Variants in NRSN1 observed in about 807,000 individuals in gnomAD.
NRSN1 encodes neurensin-1.
A neutral mutation model predicts 17.3 loss-of-function variants in NRSN1; 14 were observed. The ratio of observed to expected loss-of-function variants is 0.81; its 90% CI spans 0.54 to 1.27. The LOEUF (loss-of-function observed/expected upper bound fraction) is 1.27. Among genes scored for constraint, NRSN1 ranks in the 50% most tolerant of loss-of-function variants. The pLI, the probability that NRSN1 is intolerant of heterozygous loss-of-function variation, is 0.00. For synonymous variants in NRSN1, 79 were observed against 94.2 expected, an observed-to-expected ratio of 0.84 and a Z score of 0.93; for missense variants, 209 against 235.9, an observed-to-expected ratio of 0.89 and a Z score of 0.75.
intron 3 of NRSN1, among the ~76,000 whole-genome samples, chr6:24,139,644 C>T (rs1760171014): frequency 6.6e-6 from 1 of 152,184 alleles, no homozygotes; most frequent in African/African-American, 2.4e-5. Context: ...GAGCTCAAAA[C>T]AGAGATCCAG....
rs1223900525 is a variant in NRSN1, at chr6:24,145,648, A to G, written c.290A>G (p.Asp97Gly). Residue 97 changes from aspartate (D) to glycine (G), a missense_variant, in exon 4 of 4, where the codon GAT becomes GGT. By Grantham distance (94) the Asp-to-Gly change is moderately conservative. Coordinates refer to ENST00000378491, the MANE Select transcript of NRSN1 (RefSeq NM_080723.5). This position sits in a 1 kb window ranked among gnomAD's most constrained non-coding sequence, Gnocchi z 4.4. ...AAAATCGAAGCATTTGGCGAAGCCG[A>G]TTTTGTGGTGGTCGACACACATGCT... ...PPKIEAFGEA[D>G]FVVVDTHAVQ... 6.2e-7 allele frequency: 1 copy of G among 1,614,084 alleles called. No homozygotes were observed. The highest frequency in any genetic ancestry group is 1.1e-5 in the South Asian group (1 of 91,076).
chr6:24,129,526 A>G (rs1759997118), intron 2 of NRSN1: 1 of 152,248 alleles, frequency 6.6e-6, no homozygotes, highest in South Asian at 2.1e-4. Context: ...TAAACCACAC[A>G]TAGAATATCA....
chr6:24,134,371 C>A lies in NRSN1; in HGVS notation c.44C>A (p.Ala15Asp). The stretch of plus-strand genomic sequence containing the variant: ...GTCTGTGGGTCCAGGCAGGCACAGG[C>A]TGCAGCTGAGGGTGGTTACCAGCGC... Reference protein sequence around the residue: ...SNVCGSRQAQAAAEGGYQRYG... With the variant: ...SNVCGSRQAQDAAEGGYQRYG... The change falls in exon 3 of 4, where the codon GCT (alanine) becomes GAT (aspartate). Residue 15 changes from alanine to aspartate, a missense_variant. Physicochemically the swap from Ala to Asp is moderately radical, Grantham distance 126 (BLOSUM62 -2). Coordinates refer to ENST00000378491, the MANE Select transcript of NRSN1 (RefSeq NM_080723.5). 6.2e-7 allele frequency: 1 copy of A among 1,614,140 alleles called. No individual in the cohort carries two copies. Among genetic ancestry groups the A allele is most frequent in the Non-Finnish European group, 8.5e-7 (1 of 1,180,028 alleles).
rs201805273 is a variant in NRSN1, at chr6:24,145,568, A to C, written c.210A>C (p.Thr70=). The change falls in exon 4 of 4, where the codon ACA becomes ACC. Residue 70 remains threonine (T), a synonymous_variant. Transcript: ENST00000378491. This position sits in a 1 kb window ranked among gnomAD's most constrained non-coding sequence, Gnocchi z 4.4. ...TGTAGGTTGGACTCATCTCAGGTAC[A>C]GTTTTTGTGATCCTCGGATTGACTG... ...VFWKVGLISG[T]VFVILGLTVL... The C allele has an allele frequency of 1.7e-5, 27 of 1,596,702 alleles. No individual in the cohort carries two copies. The highest frequency in any genetic ancestry group is 4.3e-6 in the Non-Finnish European group (5 of 1,169,802).
chr6:24,127,016 G>A (rs1371206078), intron 1 of NRSN1, among the ~76,000 whole-genome samples: 1 of 152,212 alleles, frequency 6.6e-6, no homozygotes, highest in Non-Finnish European at 1.5e-5. Flanking sequence ...TGAAGGGCAT[G>A]TGGGGAATCT....
Position 24,142,212 on chromosome 6 carries a change from T to TTTTTTTTTTTTTTTTTTTTTTTTC in NRSN1, c.190-3334_190-3333insTTTTTTTTTTTTTTTTTTTTTCTT, listed in dbSNP as rs1484150562. Reference sequence around the variant, plus strand: ...ACAGCTTTTTTTTTTTTTTTTTTTTTTTCAGAAGACATCCTATTGACTCTT... The same window carrying TTTTTTTTTTTTTTTTTTTTTTTTC: ...ACAGCTTTTTTTTTTTTTTTTTTTTTTTTTTTTTTTTTTTTTTTTTTTTCTTCAGAAGACATCCTATTGACTCTT... On this transcript the variant is annotated intron_variant, in intron 3 of 3. Coordinates refer to ENST00000378491, the MANE Select transcript of NRSN1 (RefSeq NM_080723.5). 9.7e-5 allele frequency among the ~76,000 whole-genome samples: 13 copies of TTTTTTTTTTTTTTTTTTTTTTTTC among 134,602 alleles called. 2 individuals carry two copies. The highest frequency in any genetic ancestry group is 9.9e-5 in the Non-Finnish European group (6 of 60,538). The allele number at this position is 134,602 out of a possible 152,430, so 88.3% of individuals were successfully genotyped here. A position where few individuals can be genotyped will look rare whatever the true frequency, so the allele number is the denominator to read the frequency against.
chr6:24,141,418 A>G, intron 3 of NRSN1: 1 of 294,788 alleles, frequency 3.4e-6, no homozygotes, highest in Admixed American at 5.5e-5. Context: ...CTATCATCCC[A>G]CGCTCTCCCT....
In NRSN1 at chr6:24,146,795, T is replaced by C. The variant is rs1760314895; in HGVS notation, c.*849T>C. 6.5e-6 allele frequency: 1 copy of C among 154,154 alleles called. No homozygotes were observed. The highest frequency in any genetic ancestry group is 1.9e-4 in the East Asian group (1 of 5,236). The allele number at this position is 154,154 out of a possible 1,614,324, so 9.5% of individuals were successfully genotyped here. A position where few individuals can be genotyped will look rare whatever the true frequency, so the allele number is the denominator to read the frequency against. Reference sequence around the variant, plus strand: ...AATTAATTTTAGGAGCATCTATTTATGCAGTGTTCAAAAGTACTGAATTAG... The same window carrying C: ...AATTAATTTTAGGAGCATCTATTTACGCAGTGTTCAAAAGTACTGAATTAG... On this transcript the variant is annotated 3_prime_UTR_variant, in exon 4 of 4. Coordinates refer to ENST00000378491, the MANE Select transcript of NRSN1 (RefSeq NM_080723.5).
In NRSN1 at chr6:24,146,032, C is replaced by T. The variant is rs992487667; in HGVS notation, c.*86C>T. 64 of 1,328,602 alleles carry T rather than the reference C, an allele frequency of 4.8e-5. No individual in the cohort carries two copies. Among genetic ancestry groups the T allele is most frequent in the Non-Finnish European group, 6.4e-5 (60 of 937,976 alleles). 82.3% of individuals were successfully genotyped at this position (1,328,602 alleles called of 1,614,324 possible). On this transcript the variant is annotated 3_prime_UTR_variant, in exon 4 of 4. Coordinates refer to ENST00000378491, the MANE Select transcript of NRSN1 (RefSeq NM_080723.5). ...AGTTTTCGAGATAAAGAAGATTTGG[C>T]GTTGACTGCCCTAGGGCTGTGTTCA...
intron 3 of NRSN1, chr6:24,141,125 A>G (rs1196802604): frequency 7.6e-7 from 1 of 1,318,666 alleles, no homozygotes; most frequent in Non-Finnish European, 9.7e-7. Flanking sequence ...AAGCATTCCA[A>G]CTCTTCTGTG....
chr6:24,137,585 G>C (rs930141773), intron 3 of NRSN1, among the ~76,000 whole-genome samples: 2 of 151,826 alleles, frequency 1.3e-5, no homozygotes, highest in Non-Finnish European at 2.9e-5. Context: ...ACAATGTGCA[G>C]GTTTGTTACA....
At chr6:24,136,394 C>G (rs540191655) in intron 3 of NRSN1, among the ~76,000 whole-genome samples, 8 of 152,338 alleles carry the variant, frequency 5.3e-5, no homozygotes, top group African/African-American at 1.9e-4. Flanking sequence ...GTCACATACT[C>G]TGCATCAGAA....
chr6:24,146,609 C>G lies in NRSN1; in HGVS notation c.*663C>G. ...CACTGCAGCCTTGAACTCCTGGGCT[C>G]AAGCGATCCTCCCACCTCAGCCTCC... is the stretch of plus-strand genomic sequence containing the variant. On this transcript the variant is annotated 3_prime_UTR_variant, in exon 4 of 4. Coordinates refer to ENST00000378491, the MANE Select transcript of NRSN1 (RefSeq NM_080723.5). The G allele has an allele frequency of 5.6e-6, 1 of 176,998 alleles. No homozygotes were observed. The highest frequency in any genetic ancestry group is 1.2e-5 in the Non-Finnish European group (1 of 83,816). 11.0% of individuals were successfully genotyped at this position (176,998 alleles called of 1,614,324 possible). A position where few individuals can be genotyped will look rare whatever the true frequency, so the allele number is the denominator to read the frequency against.
chr6:24,144,903 T>A (rs1170470708), intron 3 of NRSN1, among the ~76,000 whole-genome samples: 1 of 151,688 alleles, frequency 6.6e-6, no homozygotes, highest in African/African-American at 2.4e-5. Flanking sequence ...TCAGGGCTAC[T>A]CTTCTTTTCC....
At chr6:24,131,439 A>G (rs967121279) in intron 2 of NRSN1, among the ~76,000 whole-genome samples, 1 of 152,000 alleles carries the variant, frequency 6.6e-6, no homozygotes, top group Non-Finnish European at 1.5e-5. Context: ...TCCCTTTTTC[A>G]TGTTAAAGTC....
intron 3 of NRSN1, among the ~76,000 whole-genome samples, chr6:24,138,990 T>C (rs1413457137): frequency 6.6e-6 from 1 of 152,218 alleles, no homozygotes; most frequent in Non-Finnish European, 1.5e-5. Context: ...TAAAATCTAT[T>C]CTTTCAGCAA....
chr6:24,146,329 G>A lies in NRSN1; in HGVS notation c.*383G>A. ...ATTTTCTAATATTGGTTTATCTAATGTTTTCTGCGTGGTGCTGTCTTCCAT... is the reference window on the plus strand; with the variant it reads ...ATTTTCTAATATTGGTTTATCTAATATTTTCTGCGTGGTGCTGTCTTCCAT... On this transcript the variant is annotated 3_prime_UTR_variant, in exon 4 of 4. Transcript: ENST00000378491. 2.1e-6 allele frequency: 1 copy of A among 487,058 alleles called. No individual in the cohort carries two copies. 30.2% of individuals were successfully genotyped at this position (487,058 alleles called of 1,614,324 possible). A position where few individuals can be genotyped will look rare whatever the true frequency, so the allele number is the denominator to read the frequency against.
chr6:24,140,137 A>G (rs947921567), intron 3 of NRSN1, among the ~76,000 whole-genome samples: 2 of 152,334 alleles, frequency 1.3e-5, no homozygotes, highest in Admixed American at 6.5e-5. Context: ...ATTAGATTTG[A>G]CATTAGATTT....
intron 3 of NRSN1, among the ~76,000 whole-genome samples, chr6:24,139,245 G>A (rs1353095384): frequency 1.3e-5 from 2 of 152,144 alleles, no homozygotes; most frequent in Admixed American, 6.5e-5. Flanking sequence ...ATAATGTCCT[G>A]TGGAAGACTA....
Sources: gnomAD v4.1 joint callset for allele counts (sites outside exome capture counted in the v4.1 genomes callset) on GRCh38, gnomAD v4.1.1 for gene constraint, Gnocchi (gnomAD v3.1) non-coding constraint, MANE v1.5 for transcripts, NCBI Gene and HGNC (gene_info 2026-07-23, HGNC 2026-07-21) for gene names.